C1orf21: variants seen among roughly 807,000 people sequenced by gnomAD.
The protein encoded by C1orf21 is chromosome 1 open reading frame 21.
C1orf21 carries 3 observed loss-of-function variants against 18.7 expected under a neutral mutation model. That is an observed-to-expected ratio of 0.16 (90% CI 0.07 to 0.42). C1orf21 has a LOEUF of 0.42. C1orf21 is among the 10% of genes least tolerant of loss of function. The pLI is 0.99. For synonymous variants in C1orf21, 41 were observed against 46.4 expected (o/e 0.88, Z 0.47); for missense variants, 104 against 143.6 (o/e 0.72, Z 1.41).
intron 1 of C1orf21, among the ~76,000 whole-genome samples, chr1:184,436,566 A>G (rs562736508): frequency 6.6e-6 from 1 of 152,182 alleles, no homozygotes; most frequent in Non-Finnish European, 1.5e-5. Flanking sequence ...GCTTCCCTAA[A>G]GGAGAAAAAA....
chr1:184,428,150 G>T (rs1323802065), intron 1 of C1orf21, among the ~76,000 whole-genome samples: 2 of 152,130 alleles, frequency 1.3e-5, no homozygotes, highest in African/African-American at 4.8e-5. Context: ...TTTAGGTATG[G>T]TGCATAATCT....
intron 5 of C1orf21, among the ~76,000 whole-genome samples, chr1:184,600,182 T>G (rs1201652031): frequency 6.6e-6 from 1 of 152,174 alleles, no homozygotes; most frequent in Non-Finnish European, 1.5e-5. Flanking sequence ...TTTTTCTTTT[T>G]TTTGAGACGA....
chr1:184,416,438 T>C (rs1167721312), intron 1 of C1orf21, among the ~76,000 whole-genome samples: 1 of 152,168 alleles, frequency 6.6e-6, no homozygotes, highest in African/African-American at 2.4e-5. Context: ...TGCCTATGTG[T>C]GTCTAAGTGG....
chr1:184,533,974 G>A (rs1030131084), intron 3 of C1orf21, among the ~76,000 whole-genome samples: 5 of 152,200 alleles, frequency 3.3e-5, no homozygotes, highest in Non-Finnish European at 5.9e-5. Flanking sequence ...CATGTGAATG[G>A]TTCTGATTCG....
chr1:184,591,329 A>G (rs1439131672), intron 4 of C1orf21, among the ~76,000 whole-genome samples: 1 of 152,228 alleles, frequency 6.6e-6, no homozygotes, highest in Non-Finnish European at 1.5e-5. Context: ...ACAATACATG[A>G]CAAAGCTGAC....
At chr1:184,556,910 C>T (rs1658886982) in intron 3 of C1orf21, among the ~76,000 whole-genome samples, 1 of 152,216 alleles carries the variant, frequency 6.6e-6, no homozygotes, top group Non-Finnish European at 1.5e-5. Context: ...GCGGCCTGAG[C>T]ATCACAAGAC....
At chr1:184,514,480 A>C (rs1207855655) in intron 3 of C1orf21, among the ~76,000 whole-genome samples, 1 of 152,188 alleles carries the variant, frequency 6.6e-6, no homozygotes, top group Non-Finnish European at 1.5e-5. Context: ...CACCCATTAG[A>C]TTGGCAAAAT....
chr1:184,538,370 C>T (rs1420076842), intron 3 of C1orf21, among the ~76,000 whole-genome samples: 1 of 152,108 alleles, frequency 6.6e-6, no homozygotes, highest in Non-Finnish European at 1.5e-5. Context: ...ATATTAATCC[C>T]TTAATAGATA....
chr1:184,416,366 A>C (rs1571347833), intron 1 of C1orf21, among the ~76,000 whole-genome samples: 1 of 152,178 alleles, frequency 6.6e-6, no homozygotes, highest in East Asian at 1.9e-4. Flanking sequence ...AAAATTAATC[A>C]AAATGTTAGA....
Position 184,465,107 on chromosome 1 carries a change from A to G in C1orf21, c.-124-12279A>G, listed in dbSNP as rs141304690. ...TTGTAAAATTAGGAACCTTGACCTT[A>G]GTCATGTCTAGCTTGAAAATCCAGG... On this transcript the variant is annotated intron_variant, in intron 1 of 5. Transcript: ENST00000235307. Among the ~76,000 whole-genome samples the G allele has an allele frequency of 1.1e-3, 164 of 152,294 alleles. 1 individual carries two copies. The highest frequency in any genetic ancestry group is 3.7e-3 in the African/African-American group (154 of 41,564).
chr1:184,396,349 A>G (rs1054189637), intron 1 of C1orf21, among the ~76,000 whole-genome samples: 1 of 152,178 alleles, frequency 6.6e-6, no homozygotes, highest in Non-Finnish European at 1.5e-5. Context: ...GATACTGAGA[A>G]CTGAAAATGG....
intron 1 of C1orf21, among the ~76,000 whole-genome samples, chr1:184,445,874 A>C (rs1205357179): frequency 6.6e-6 from 1 of 152,222 alleles, no homozygotes; most frequent in Non-Finnish European, 1.5e-5. Flanking sequence ...CCATTTTATC[A>C]TAACAATTAC....
At chr1:184,601,057 C>G (rs1045396336) in intron 5 of C1orf21, among the ~76,000 whole-genome samples, 1 of 152,160 alleles carries the variant, frequency 6.6e-6, no homozygotes, top group Non-Finnish European at 1.5e-5. Context: ...AGCATGAGGA[C>G]AACCATAAAT....
Position 184,413,104 on chromosome 1 carries a change from C to T in C1orf21, c.-125+25736C>T, listed in dbSNP as rs569658141. ...ATTCCTAAGAGCAAGTAAAGGAAAC[C>T]TAATCTCTGTTATTCTTCCTGATAT... On this transcript the variant is annotated intron_variant, in intron 1 of 5. Coordinates refer to ENST00000235307, the MANE Select transcript of C1orf21 (RefSeq NM_030806.4). Among the ~76,000 whole-genome samples the T allele has an allele frequency of 5.5e-4, 84 of 152,316 alleles. 1 individual carries two copies. The highest frequency in any genetic ancestry group is 1.9e-3 in the African/African-American group (81 of 41,578).
At chr1:184,584,636 A>G (rs1469396455) in intron 3 of C1orf21, among the ~76,000 whole-genome samples, 1 of 152,224 alleles carries the variant, frequency 6.6e-6, no homozygotes. Context: ...TAACATCGCT[A>G]TTCATAATAA....
chr1:184,520,223 G>A (rs562874112), intron 3 of C1orf21, among the ~76,000 whole-genome samples: 3 of 152,234 alleles, frequency 2.0e-5, no homozygotes, highest in African/African-American at 7.2e-5. Flanking sequence ...TTTGGTTCCT[G>A]TTCGAGTGTA....
chr1:184,390,032 G>A (rs777496138), intron 1 of C1orf21, among the ~76,000 whole-genome samples: 2 of 152,198 alleles, frequency 1.3e-5, no homozygotes, highest in African/African-American at 2.4e-5. Flanking sequence ...TTTGAGGGTG[G>A]CCCTAACTAA....
At chr1:184,458,362 A>G (rs1157296131) in intron 1 of C1orf21, among the ~76,000 whole-genome samples, 1 of 152,192 alleles carries the variant, frequency 6.6e-6, no homozygotes, top group African/African-American at 2.4e-5. Flanking sequence ...GAGTCCAACC[A>G]AGAGATACTA....
At chr1:184,515,940 G>A (rs1658219070) in intron 3 of C1orf21, among the ~76,000 whole-genome samples, 1 of 152,138 alleles carries the variant, frequency 6.6e-6, no homozygotes, top group African/African-American at 2.4e-5. Flanking sequence ...AGCCTCCTGA[G>A]TAACTAGGAT....
Sources: gnomAD v4.1 joint callset for allele counts (sites outside exome capture counted in the v4.1 genomes callset) on GRCh38, gnomAD v4.1.1 for gene constraint, MANE v1.5 for transcripts, NCBI Gene and HGNC (gene_info 2026-07-23, HGNC 2026-07-21) for gene names.